CCDC42: variants seen among roughly 807,000 people sequenced by gnomAD.
CCDC42 encodes coiled-coil domain containing 42, also known as coiled-coil domain-containing protein 42.
In CCDC42, 38 loss-of-function variants were observed where a neutral mutation model predicts 40.8. The observed-to-expected ratio is 0.93, with a 90% CI of 0.72 to 1.22. The LOEUF (loss-of-function observed/expected upper bound fraction) is 1.22. CCDC42 is among the 50% of genes most tolerant of loss of function. CCDC42 has a pLI of 0.00. For synonymous variants in CCDC42, 135 were observed against 157.5 expected (o/e 0.86, Z 1.07); for missense variants, 379 against 416.5 (o/e 0.91, Z 0.78).
At chr17:8,740,872 C>T (rs2086638883) in intron 4 of CCDC42, among the ~76,000 whole-genome samples, 1 of 152,160 alleles carries the variant, frequency 6.6e-6, no homozygotes, top group African/African-American at 2.4e-5. Flanking sequence ...ATTTCCTTCT[C>T]TGTAAAAGGC....
At chr17:8,734,412 G>T (rs574418943) in intron 6 of CCDC42, among the ~76,000 whole-genome samples, 1 of 151,768 alleles carries the variant, frequency 6.6e-6, no homozygotes, top group Non-Finnish European at 1.5e-5. Flanking sequence ...TGTTCAAACA[G>T]GCTTTAAAAT....
intron 4 of CCDC42, among the ~76,000 whole-genome samples, chr17:8,738,918 G>A (rs2086626533): frequency 6.6e-6 from 1 of 152,180 alleles, no homozygotes; most frequent in African/African-American, 2.4e-5. Context: ...CATAAGATTT[G>A]GAAGGACACA....
At chr17:8,741,796 G>A (rs912354237) in intron 3 of CCDC42, 125 bp from the exon 4 acceptor site, 2 of 902,788 alleles carry the variant, frequency 2.2e-6, no homozygotes, top group South Asian at 1.7e-5. Flanking sequence ...GCAACAGGCA[G>A]AGATTGCTGG....
At position 8,735,043 on chromosome 17, in the gene CCDC42, A is replaced by T. The variant is rs191554882; in HGVS notation, c.873+53T>A. The T allele has an allele frequency of 2.5e-6, 4 of 1,599,808 alleles. No individual in the cohort carries two copies. The East Asian group carries it at 9.0e-5, about 36-fold the overall frequency. On this transcript the variant is annotated intron_variant, in intron 6 of 6. Coordinates refer to ENST00000293845, the MANE Select transcript of CCDC42 (RefSeq NM_144681.3). The surrounding 1 kb of genome is among the most constrained non-coding windows in gnomAD (Gnocchi z 4.7). ...CATTCTTCCACCCAACCAACTGGCA[A>T]CCTCCTCGGCCCAGCCGACCCCACG...
chr17:8,732,684 G>A (rs2086588562), intron 6 of CCDC42, among the ~76,000 whole-genome samples: 1 of 152,176 alleles, frequency 6.6e-6, no homozygotes, highest in South Asian at 2.1e-4. Context: ...CTATAGCAAA[G>A]ACTCCAAGTC....
chr17:8,744,617 G>A lies in CCDC42; in HGVS notation c.-8C>T. On this transcript the variant is annotated 5_prime_UTR_variant, in exon 1 of 7. Transcript: ENST00000293845. The stretch of plus-strand genomic sequence containing the variant: ...CATGATGCCCAGACTCATGGTGGCA[G>A]TGACCTCACGGCCCAGGCAGCTGAC... The A allele has an allele frequency of 6.2e-7, 1 of 1,604,986 alleles. No individual in the cohort carries two copies. The highest frequency in any genetic ancestry group is 8.5e-7 in the Non-Finnish European group (1 of 1,174,018).
Position 8,735,170 on chromosome 17 carries a change from A to G in CCDC42, c.799T>C (p.Phe267Leu). The G allele has an allele frequency of 3.7e-6, 6 of 1,614,142 alleles. No homozygotes were observed. The highest frequency in any genetic ancestry group is 5.1e-6 in the Non-Finnish European group (6 of 1,180,016). Residue 267 changes from phenylalanine (F) to leucine (L), a missense_variant, in exon 6 of 7, where the codon TTC becomes CTC. Coordinates refer to ENST00000293845, the MANE Select transcript of CCDC42 (RefSeq NM_144681.3). This position sits in a 1 kb window ranked among gnomAD's most constrained non-coding sequence, Gnocchi z 4.7. ...GTIKMATLNLFQIVSKHLKEV... is the reference protein window; with the variant it reads ...GTIKMATLNLLQIVSKHLKEV... ...TTCAGGTGCTTGCTCACGATCTGGA[A>G]GAGGTTCAGCGTGGCCATCTTAATG...
At chr17:8,743,531 C>A in intron 3 of CCDC42, 95 bp downstream of exon 3, 1 of 786,558 alleles carries the variant, frequency 1.3e-6, no homozygotes, top group Non-Finnish European at 2.3e-6. Context: ...TAACTCAGGG[C>A]GAGGAGTCAG....
chr17:8,734,962 G>T, intron 6 of CCDC42, 134 bp downstream of exon 6: 2 of 896,266 alleles, frequency 2.2e-6, no homozygotes, highest in Non-Finnish European at 3.4e-6. Context: ...CACCCTCCCA[G>T]GTGATCCTGA....
At chr17:8,736,893 G>C (rs549074304) in intron 4 of CCDC42, among the ~76,000 whole-genome samples, 1 of 151,172 alleles carries the variant, frequency 6.6e-6, no homozygotes, top group Non-Finnish European at 1.5e-5. Flanking sequence ...AGATGGGGAG[G>C]GAGAGACTGA....
At position 8,743,742 on chromosome 17, in the gene CCDC42, G is replaced by A; in HGVS notation, c.190-12C>T. ...CTGCGCTGAAACATCTTTGGGGTGG[G>A]GGTGGGAGAGCAGAGAGGTCAGGAG... On this transcript the variant is annotated splice_polypyrimidine_tract_variant and intron_variant, in intron 2 of 6. Coordinates refer to ENST00000293845, the MANE Select transcript of CCDC42 (RefSeq NM_144681.3). The A allele has an allele frequency of 1.3e-6, 2 of 1,516,806 alleles. No individual in the cohort carries two copies. The highest frequency in any genetic ancestry group is 1.1e-5 in the South Asian group (1 of 89,080). 94.0% of individuals were successfully genotyped at this position (1,516,806 alleles called of 1,614,324 possible).
At chr17:8,741,722 G>A (rs1416314353) in intron 3 of CCDC42, 51 bp from the exon 4 acceptor site, 18 of 1,566,512 alleles carry the variant, frequency 1.1e-5, no homozygotes, top group Non-Finnish European at 1.5e-5. Flanking sequence ...CAGCCCTCCC[G>A]GGGCCCAGGC....
chr17:8,743,426 A>G (rs1201783796), intron 3 of CCDC42, among the ~76,000 whole-genome samples, 200 bp downstream of exon 3: 1 of 152,196 alleles, frequency 6.6e-6, no homozygotes, highest in Non-Finnish European at 1.5e-5. Context: ...GCAGAGACTG[A>G]TAGGTAAATG....
chr17:8,742,185 C>T (rs1322864540), intron 3 of CCDC42, among the ~76,000 whole-genome samples: 1 of 152,080 alleles, frequency 6.6e-6, no homozygotes, highest in Non-Finnish European at 1.5e-5. Flanking sequence ...CACTCCCGGA[C>T]CAGAGCTGGG....
chr17:8,744,344 A>C (rs553592656), intron 1 of CCDC42, among the ~76,000 whole-genome samples, 160 bp from the exon 2 acceptor site: 86 of 152,164 alleles, frequency 5.7e-4, no homozygotes, highest in Middle Eastern at 6.8e-3. Flanking sequence ...AGGGCCATGC[A>C]GGAGTGAGCA....
chr17:8,744,301 CGAGGGAAAGG>C, intron 1 of CCDC42, 117 bp from the exon 2 acceptor site: 1 of 806,406 alleles, frequency 1.2e-6, no homozygotes, highest in Non-Finnish European at 2.0e-6. Flanking sequence ...TCTCCCTTTC[CGAGGGAAAGG>C]GCTGTTGTGT....
chr17:8,744,022 G>T, intron 2 of CCDC42, 57 bp downstream of exon 2: 1 of 1,249,930 alleles, frequency 8.0e-7, no homozygotes, highest in South Asian at 1.3e-5. Context: ...CTCTCCCAGA[G>T]CCCCAGCCCA....
Position 8,743,737 on chromosome 17 carries a change from G to T in CCDC42, c.190-7C>A. ...CCATTCTGCGCTGAAACATCTTTGG[G>T]GTGGGGGTGGGAGAGCAGAGAGGTC... On this transcript the variant is annotated splice_polypyrimidine_tract_variant and splice_region_variant and intron_variant, in intron 2 of 6. Coordinates refer to ENST00000293845, the MANE Select transcript of CCDC42 (RefSeq NM_144681.3). 6.5e-7 allele frequency: 1 copy of T among 1,543,046 alleles called. No individual in the cohort carries two copies. Among genetic ancestry groups the T allele is most frequent in the Non-Finnish European group, 9.0e-7 (1 of 1,115,834 alleles).
chr17:8,732,347 A>G (rs2086586574), intron 6 of CCDC42, among the ~76,000 whole-genome samples: 1 of 55,622 alleles, frequency 1.8e-5, no homozygotes, highest in African/African-American at 5.6e-5. Flanking sequence ...TCCTGAACCT[A>G]AAATTAAAAA....
Sources: allele counts gnomAD v4.1 joint callset (sites outside exome capture counted in the v4.1 genomes callset), GRCh38; gene constraint gnomAD v4.1.1; non-coding constraint Gnocchi (gnomAD v3.1); transcripts MANE v1.5; gene names NCBI Gene and HGNC (gene_info 2026-07-23, HGNC 2026-07-21).